SGCZ: variants seen among roughly 807,000 people sequenced by gnomAD.
SGCZ encodes zeta-sarcoglycan.
SGCZ carries 40 observed loss-of-function variants against 41.3 expected under a neutral mutation model. That is an observed-to-expected ratio of 0.97 (90% confidence interval 0.75 to 1.26). The LOEUF is 1.26. Among genes scored for constraint, SGCZ ranks in the 50% most tolerant of loss-of-function variants. The probability of loss-of-function intolerance (pLI) is 0.00; values close to 1 mark genes in which losing one functional copy is unlikely to be tolerated. For synonymous variants in SGCZ, 206 were observed against 137.5 expected (o/e 1.50, Z -3.49); for missense variants, 552 against 369.8 (o/e 1.49, Z -4.04).
At chr8:15,223,523 T>C (rs561653760) in intron 1 of SGCZ, among the ~76,000 whole-genome samples, 84 of 152,348 alleles carry the variant, frequency 5.5e-4, no homozygotes, top group African/African-American at 2.0e-3. Context: ...TGTGTTTTAA[T>C]TCTGTATTTG....
intron 1 of SGCZ, among the ~76,000 whole-genome samples, chr8:14,950,160 T>C (rs1017316685): frequency 2.0e-5 from 3 of 152,024 alleles, no homozygotes; most frequent in Non-Finnish European, 4.4e-5. Context: ...ATGAATTCCA[T>C]CTTCTGGAAC....
intron 1 of SGCZ, among the ~76,000 whole-genome samples, chr8:14,622,574 CTTGT>C (rs1444091854): frequency 6.6e-6 from 1 of 151,860 alleles, no homozygotes; most frequent in East Asian, 1.9e-4. Flanking sequence ...TTCTTTTATT[CTTGT>C]TTGTTTTGAA....
At chr8:14,364,701 G>C (rs2117142734) in intron 2 of SGCZ, among the ~76,000 whole-genome samples, 1 of 152,076 alleles carries the variant, frequency 6.6e-6, no homozygotes, top group South Asian at 2.1e-4. Flanking sequence ...AAAAGTATTA[G>C]ATTTATTGTC....
intron 1 of SGCZ, among the ~76,000 whole-genome samples, chr8:14,844,235 T>C (rs1269742662): frequency 6.6e-6 from 1 of 152,128 alleles, no homozygotes; most frequent in Non-Finnish European, 1.5e-5. Flanking sequence ...ATATAAGTGC[T>C]ATCTAGAAAA....
At chr8:14,777,322 A>G (rs1800435245) in intron 1 of SGCZ, among the ~76,000 whole-genome samples, 1 of 152,168 alleles carries the variant, frequency 6.6e-6, no homozygotes, top group Non-Finnish European at 1.5e-5. Context: ...ATAAACGAGT[A>G]ATATTAACGA....
intron 1 of SGCZ, among the ~76,000 whole-genome samples, chr8:14,834,923 A>G (rs1013131402): frequency 6.6e-6 from 1 of 152,194 alleles, no homozygotes; most frequent in Non-Finnish European, 1.5e-5. Flanking sequence ...GCTTTTTAGC[A>G]ACATCTTCAG....
At chr8:14,655,988 G>C (rs894110665) in intron 1 of SGCZ, among the ~76,000 whole-genome samples, 12 of 152,082 alleles carry the variant, frequency 7.9e-5, no homozygotes. Flanking sequence ...AGCACAGGCT[G>C]TTGAACTACT....
chr8:14,604,917 T>C (rs1805701359), intron 1 of SGCZ, among the ~76,000 whole-genome samples: 1 of 152,184 alleles, frequency 6.6e-6, no homozygotes, highest in African/African-American at 2.4e-5. Flanking sequence ...AGAGATTAAA[T>C]TAATGAATGA....
chr8:14,214,147 T>G (rs1024107564), intron 4 of SGCZ, among the ~76,000 whole-genome samples: 1 of 152,112 alleles, frequency 6.6e-6, no homozygotes, highest in African/African-American at 2.4e-5. Context: ...GTGATGATAA[T>G]ATTGTGCTAC....
chr8:15,165,832 G>C (rs1799650071), intron 1 of SGCZ, among the ~76,000 whole-genome samples: 1 of 152,154 alleles, frequency 6.6e-6, no homozygotes, highest in South Asian at 2.1e-4. Context: ...GCTTCTCCGT[G>C]TGAACATATC....
At chr8:14,261,987 T>G (rs1354217463) in intron 3 of SGCZ, among the ~76,000 whole-genome samples, 2 of 152,178 alleles carry the variant, frequency 1.3e-5, no homozygotes, top group Non-Finnish European at 2.9e-5. Flanking sequence ...TAAATTAATT[T>G]GACCAACTCC....
intron 1 of SGCZ, among the ~76,000 whole-genome samples, chr8:14,814,293 A>C (rs1304489594): frequency 6.6e-6 from 1 of 152,106 alleles, no homozygotes; most frequent in Non-Finnish European, 1.5e-5. Flanking sequence ...AGCCTAAAAG[A>C]TGGGGTATAG....
chr8:14,793,429 G>A (rs956730027), intron 1 of SGCZ, among the ~76,000 whole-genome samples: 6 of 152,094 alleles, frequency 3.9e-5, no homozygotes, highest in Non-Finnish European at 8.8e-5. Context: ...TCAGAAAAAC[G>A]CAAAAGCTAT....
At chr8:14,455,046 A>G (rs1800702718) in intron 2 of SGCZ, among the ~76,000 whole-genome samples, 1 of 152,132 alleles carries the variant, frequency 6.6e-6, no homozygotes, top group African/African-American at 2.4e-5. Context: ...CAAATCTTTT[A>G]AAAATGCATG....
intron 4 of SGCZ, among the ~76,000 whole-genome samples, chr8:14,208,364 G>A (rs995902513): frequency 2.4e-4 from 36 of 152,248 alleles, no homozygotes; most frequent in Admixed American, 6.5e-4. Context: ...CATTCACAAG[G>A]TAGTAATTTT....
intron 1 of SGCZ, among the ~76,000 whole-genome samples, chr8:15,137,489 G>A (rs564355528): frequency 5.2e-4 from 79 of 152,278 alleles, no homozygotes; most frequent in African/African-American, 1.8e-3. Flanking sequence ...CCCATCACAG[G>A]CCCTAAGGTT....
chr8:15,041,415 C>G (rs1804092108), intron 1 of SGCZ, among the ~76,000 whole-genome samples: 1 of 151,596 alleles, frequency 6.6e-6, no homozygotes, highest in Non-Finnish European at 1.5e-5. Flanking sequence ...TATGAAAAGT[C>G]TATGTTTTGC....
Position 14,087,931 on chromosome 8 carries a change from T to C in SGCZ, c.*2512A>G, listed in dbSNP as rs762142736. Reference sequence around the variant, plus strand: ...TATATTTTCTACTGTACTGAACCGATTTGTTATATCATCTGGATACAGTCT... The same window carrying C: ...TATATTTTCTACTGTACTGAACCGACTTGTTATATCATCTGGATACAGTCT... On this transcript the variant is annotated 3_prime_UTR_variant, in exon 8 of 8. Coordinates refer to ENST00000382080, the MANE Select transcript of SGCZ (RefSeq NM_139167.4). Among the ~76,000 whole-genome samples the C allele has an allele frequency of 1.7e-4, 26 of 151,684 alleles. No homozygotes were observed. Among genetic ancestry groups the C allele is most frequent in the Admixed American group, 4.6e-4 (7 of 15,184 alleles).
At chr8:14,368,688 G>A (rs1375618751) in intron 2 of SGCZ, among the ~76,000 whole-genome samples, 1 of 151,530 alleles carries the variant, frequency 6.6e-6, no homozygotes, top group Non-Finnish European at 1.5e-5. Context: ...CCTTATGATG[G>A]TAAAGTGAAC....
Sources: gnomAD v4.1 joint callset for allele counts (sites outside exome capture counted in the v4.1 genomes callset) on GRCh38, gnomAD v4.1.1 for gene constraint, MANE v1.5 for transcripts, NCBI Gene and HGNC (gene_info 2026-07-23, HGNC 2026-07-21) for gene names.